Variants in GPC3 observed in about 807,000 individuals in gnomAD.
GPC3 encodes the protein glypican 3.
A neutral mutation model predicts 34.4 loss-of-function variants in GPC3; 3 were observed. The ratio of observed to expected loss-of-function variants is 0.09; its 90% CI spans 0.04 to 0.23. The LOEUF is 0.23. Among genes scored for constraint, GPC3 ranks in the 10% least tolerant of loss-of-function variants. The pLI is 1.00. For synonymous variants in GPC3, 177 were observed against 174.0 expected (o/e 1.02, Z -0.13); for missense variants, 351 against 445.6 (o/e 0.79, Z 1.91).
chrX:133,551,465 C>CT (rs971498851), intron 7 of GPC3, among the ~76,000 whole-genome samples: 16 of 111,394 alleles, frequency 1.4e-4, no homozygotes, highest in African/African-American at 5.2e-4. Flanking sequence ...CTATTCACTT[C>CT]TTTTTCTCTT....
At chrX:133,848,067 T>C (rs1023733192) in intron 2 of GPC3, among the ~76,000 whole-genome samples, 1 of 111,685 alleles carries the variant, frequency 9.0e-6, no homozygotes, top group Non-Finnish European at 1.9e-5. Flanking sequence ...AAGGGAAATA[T>C]TTTTCATATT....
chrX:133,726,305 C>A (rs1291564826), intron 3 of GPC3, among the ~76,000 whole-genome samples: 2 of 111,573 alleles, frequency 1.8e-5, no homozygotes, highest in African/African-American at 3.3e-5. Flanking sequence ...CTGGGTAGGG[C>A]TCCCTTAGGA....
intron 2 of GPC3, among the ~76,000 whole-genome samples, chrX:133,817,643 T>C (rs183660729): frequency 0.012 from 1,314 of 109,274 alleles, 20 homozygotes; most frequent in African/African-American, 0.041. Flanking sequence ...GATAGGCTTA[T>C]TTCTCCCCAG....
intron 6 of GPC3, among the ~76,000 whole-genome samples, chrX:133,646,175 T>G (rs1004917564): frequency 9.1e-6 from 1 of 109,322 alleles, no homozygotes; most frequent in African/African-American, 3.3e-5. Context: ...AGCACAGGAC[T>G]GATGGTGAAG....
intron 6 of GPC3, among the ~76,000 whole-genome samples, chrX:133,651,561 G>A (rs772453827): frequency 9.0e-6 from 1 of 111,408 alleles, no homozygotes; most frequent in Non-Finnish European, 1.9e-5. Context: ...ATATTACTCT[G>A]CTAGTTTTCT....
intron 2 of GPC3, among the ~76,000 whole-genome samples, chrX:133,873,382 G>T (rs2076002128): frequency 8.9e-6 from 1 of 112,173 alleles, no homozygotes; most frequent in East Asian, 2.8e-4. Context: ...TACTATGCCA[G>T]TCCCAATATA....
intron 2 of GPC3, chrX:133,763,411 G>C: frequency 1.9e-6 from 1 of 538,414 alleles, no homozygotes; most frequent in Non-Finnish European, 3.4e-6. Context: ...CTTCTACAGA[G>C]ATCCTGAAGA....
In GPC3 at chrX:133,753,787, T is replaced by C. The variant is rs1203561413; in HGVS notation, c.727A>G (p.Thr243Ala). The C allele has an allele frequency of 3.3e-6, 4 of 1,210,980 alleles. No individual in the cohort carries two copies. Among genetic ancestry groups the C allele is most frequent in the Non-Finnish European group, 4.5e-6 (4 of 894,667 alleles). ...TCCTTACTGAACTTCAGGTGATCAG[T>C]TGTGTTGATCACTTCAATTCCAAGA... ...LNLGIEVINTTDHLKFSKDCG... is the reference protein window; with the variant it reads ...LNLGIEVINTADHLKFSKDCG... The change falls in exon 3 of 8, where the codon ACT (threonine) becomes GCT (alanine). Residue 243 changes from threonine to alanine, a missense_variant. Physicochemically the swap from Thr to Ala is moderately conservative, Grantham distance 58. Coordinates refer to ENST00000370818, the MANE Select transcript of GPC3 (RefSeq NM_004484.4).
At chrX:133,676,881 T>G (rs187147423) in intron 5 of GPC3, among the ~76,000 whole-genome samples, 1 of 111,181 alleles carries the variant, frequency 9.0e-6, no homozygotes, top group Admixed American at 9.6e-5. Flanking sequence ...TCTCTCCCTC[T>G]GGTTTTCTTA....
chrX:133,742,671 T>C (rs184115980), intron 3 of GPC3, among the ~76,000 whole-genome samples: 1 of 112,265 alleles, frequency 8.9e-6, no homozygotes, highest in East Asian at 2.8e-4. Context: ...GCATATTTTA[T>C]GAGGTTTATT....
chrX:133,818,028 C>A (rs2075700805), intron 2 of GPC3, among the ~76,000 whole-genome samples: 1 of 111,407 alleles, frequency 9.0e-6, no homozygotes, highest in South Asian at 3.8e-4. Context: ...ACAATTCAAT[C>A]ATGTCAAGTT....
chrX:133,776,262 G>A (rs1369807963), intron 2 of GPC3, among the ~76,000 whole-genome samples: 2 of 111,337 alleles, frequency 1.8e-5, no homozygotes, highest in African/African-American at 6.5e-5. Context: ...AGATTATAGG[G>A]TATCAATCAA....
At chrX:133,735,281 T>C (rs1425744959) in intron 3 of GPC3, among the ~76,000 whole-genome samples, 1 of 111,363 alleles carries the variant, frequency 9.0e-6, no homozygotes, top group Non-Finnish European at 1.9e-5. Context: ...TAAAATAGAA[T>C]TGAGAGTCAA....
chrX:133,743,900 C>T (rs916550549), intron 3 of GPC3, among the ~76,000 whole-genome samples: 1 of 111,777 alleles, frequency 8.9e-6, no homozygotes, highest in African/African-American at 3.3e-5. Flanking sequence ...CTGACAACAA[C>T]AAGCAATGGG....
intron 2 of GPC3, among the ~76,000 whole-genome samples, chrX:133,801,444 T>C (rs183583615): frequency 1.2e-4 from 14 of 112,187 alleles, no homozygotes; most frequent in African/African-American, 4.2e-4. Context: ...TGTTTATACA[T>C]GCACCTTCCT....
chrX:133,690,454 C>T (rs1234414414), intron 5 of GPC3, among the ~76,000 whole-genome samples: 4 of 111,237 alleles, frequency 3.6e-5, no homozygotes, highest in Non-Finnish European at 7.5e-5. Flanking sequence ...CCCAAGGCCA[C>T]AGTTAGTAGC....
At chrX:133,961,086 G>GA (rs1193293568) in intron 1 of GPC3, among the ~76,000 whole-genome samples, 1 of 111,965 alleles carries the variant, frequency 8.9e-6, no homozygotes, top group African/African-American at 3.3e-5. Flanking sequence ...GAATACAGAT[G>GA]AAAGAAATGG....
chrX:133,645,347 G>A lies in GPC3; in HGVS notation c.1413+16383C>T, dbSNP rs745383291. ...AGCATTCACCTGGCGATTGTTTGCC[G>A]TTGTCTACCATACTGGGGAGGAAAG... On this transcript the variant is annotated intron_variant, in intron 6 of 7. Coordinates refer to ENST00000370818, the MANE Select transcript of GPC3 (RefSeq NM_004484.4). Among the ~76,000 whole-genome samples, 91 of 111,737 alleles carry A rather than the reference G, an allele frequency of 8.1e-4. 1 individual carries two copies. The highest frequency in any genetic ancestry group is 2.3e-3 in the South Asian group (6 of 2,621).
intron 2 of GPC3, among the ~76,000 whole-genome samples, chrX:133,830,943 T>G (rs540169011): frequency 1.1e-4 from 12 of 110,520 alleles, no homozygotes; most frequent in African/African-American, 3.6e-4. Flanking sequence ...ATACCCATAA[T>G]ATATAAAGAA....
Sources: allele counts gnomAD v4.1 joint callset (sites outside exome capture counted in the v4.1 genomes callset), GRCh38; gene constraint gnomAD v4.1.1; transcripts MANE v1.5; gene names NCBI Gene and HGNC (gene_info 2026-07-23, HGNC 2026-07-21).